The following AVEN variants were observed in gnomAD, a reference collection of about 807,000 sequenced individuals.
The protein encoded by AVEN is cell death regulator Aven.
AVEN carries 41 observed loss-of-function variants against 38.1 expected under a neutral mutation model. The ratio of observed to expected loss-of-function variants is 1.08; its 90% confidence interval spans 0.84 to 1.40. The LOEUF (loss-of-function observed/expected upper bound fraction) is 1.40, where lower values mean the gene tolerates loss of function less well. AVEN is among the 40% of genes most tolerant of loss of function. The pLI is 0.00. For synonymous variants in AVEN, 206 were observed against 171.8 expected, an observed-to-expected ratio of 1.20 and a Z score of -1.56; for missense variants, 605 against 438.8, an observed-to-expected ratio of 1.38 and a Z score of -3.38.
At chr15:33,857,381 T>C (rs2079800294), downstream of AVEN, among the ~76,000 whole-genome samples, 1 of 151,388 alleles carries the variant, frequency 6.6e-6, no homozygotes, top group African/African-American at 2.5e-5. Flanking sequence ...ACTCCTTTTC[T>C]TCTAAGGATG....
intron 2 of AVEN, among the ~76,000 whole-genome samples, chr15:33,934,570 C>T (rs1893988913): frequency 6.6e-6 from 1 of 152,040 alleles, no homozygotes; most frequent in Non-Finnish European, 1.5e-5. Context: ...GTTTCCTCCA[C>T]TGCAAACTCT....
chr15:33,876,062 C>A, intron 2 of AVEN, 67 bp from the exon 3 acceptor site: 1 of 1,456,164 alleles, frequency 6.9e-7, no homozygotes, highest in East Asian at 2.3e-5. Flanking sequence ...TCTAAATTTC[C>A]CTGCTAGAGC....
downstream of AVEN, among the ~76,000 whole-genome samples, chr15:33,863,053 T>C (rs995895159): frequency 6.6e-6 from 1 of 152,252 alleles, no homozygotes; most frequent in African/African-American, 2.4e-5. Flanking sequence ...CCATGGGTTA[T>C]AGACCAGTGG....
intron 1 of AVEN, among the ~76,000 whole-genome samples, chr15:34,022,014 G>A (rs78565473): frequency 0.021 from 3,221 of 152,278 alleles, 49 homozygotes; most frequent in Non-Finnish European, 0.029. Context: ...GAGAATTCAA[G>A]TGCAAATATT....
intron 2 of AVEN, among the ~76,000 whole-genome samples, chr15:33,977,692 C>T (rs544746453): frequency 4.6e-5 from 7 of 152,266 alleles, no homozygotes; most frequent in East Asian, 1.9e-4. Flanking sequence ...AAGAATCAAA[C>T]GTTCTCTATT....
At chr15:33,914,951 A>G (rs1040875656) in intron 2 of AVEN, among the ~76,000 whole-genome samples, 1 of 152,148 alleles carries the variant, frequency 6.6e-6, no homozygotes, top group African/African-American at 2.4e-5. Flanking sequence ...AGGAACCAGG[A>G]TTCCTGAGAG....
At position 34,063,384 on chromosome 15, in the gene AVEN, C is replaced by G; in HGVS notation, n.1175G>C. On this transcript the variant is annotated non_coding_transcript_exon_variant, in exon 5 of 12. Transcript: ENST00000675287. The surrounding 1 kb of genome is among the most constrained non-coding windows in gnomAD (Gnocchi z 4.1). Reference sequence around the variant, plus strand: ...TCGAATCTACCGGGAAACAGAGAAGCGAACCAAGGACCTGGCTGACCTCCA... The same window carrying G: ...TCGAATCTACCGGGAAACAGAGAAGGGAACCAAGGACCTGGCTGACCTCCA... The G allele has an allele frequency of 6.2e-7, 1 of 1,614,032 alleles. No individual in the cohort carries two copies. The highest frequency in any genetic ancestry group is 8.5e-7 in the Non-Finnish European group (1 of 1,180,022).
intron 1 of AVEN, among the ~76,000 whole-genome samples, chr15:34,073,207 ATT>A (rs761265891): frequency 0.021 from 2,386 of 111,824 alleles, 39 homozygotes; most frequent in African/African-American, 0.064. Flanking sequence ...CGCCCGGCTA[ATT>A]TTTTTTTTTT....
intron 2 of AVEN, among the ~76,000 whole-genome samples, chr15:33,990,164 G>C (rs1286790091): frequency 6.7e-6 from 1 of 148,994 alleles, no homozygotes; most frequent in Non-Finnish European, 1.5e-5. Flanking sequence ...AGATTGCATC[G>C]TTGCAATCCA....
At chr15:34,017,487 T>TTTTG (rs1337236963) in intron 1 of AVEN, among the ~76,000 whole-genome samples, 4 of 75,924 alleles carry the variant, frequency 5.3e-5, no homozygotes, top group African/African-American at 1.2e-4. Context: ...TTTTTTTGTT[T>TTTTG]TTTTTTTTTT....
At chr15:34,049,720 G>A (rs150348737) in intron 5 of AVEN, among the ~76,000 whole-genome samples, 2,656 of 151,890 alleles carry the variant, frequency 0.017, 78 homozygotes, top group African/African-American at 0.061. Flanking sequence ...TCAACCCCAA[G>A]ACACACAATC....
chr15:33,876,126 T>C, intron 2 of AVEN, 131 bp from the exon 3 acceptor site: 1 of 722,134 alleles, frequency 1.4e-6, no homozygotes, highest in Non-Finnish European at 2.3e-6. Flanking sequence ...AGGATAAAAC[T>C]GGAACATACC....
intron 2 of AVEN, among the ~76,000 whole-genome samples, chr15:33,928,818 C>G (rs1472668635): frequency 2.0e-5 from 3 of 152,086 alleles, no homozygotes; most frequent in African/African-American, 7.2e-5. Context: ...TAAAATCAGT[C>G]CAGATGTGTC....
intron 2 of AVEN, among the ~76,000 whole-genome samples, chr15:33,938,036 CAT>C (rs910324196): frequency 6.2e-5 from 9 of 146,010 alleles, no homozygotes; most frequent in Admixed American, 4.8e-4. Context: ...ATAATCATAA[CAT>C]AAAATCATAA....
Position 34,030,872 on chromosome 15 carries a change from C to T in AVEN, c.267+7908G>A, listed in dbSNP as rs538339376. Among the ~76,000 whole-genome samples the T allele has an allele frequency of 2.2e-4, 34 of 152,228 alleles. No homozygotes were observed. The South Asian group carries it at 6.8e-3, about 31-fold the overall frequency. ...GCCTTAAGCAGTCCTTCCACCTCACCCTCCCAAAGTGCTGGGATTACAGGT... is the reference window on the plus strand; with the variant it reads ...GCCTTAAGCAGTCCTTCCACCTCACTCTCCCAAAGTGCTGGGATTACAGGT... On this transcript the variant is annotated intron_variant, in intron 1 of 5. Coordinates refer to ENST00000306730, the MANE Select transcript of AVEN (RefSeq NM_020371.3).
In AVEN at chr15:34,055,254, T is replaced by A. The variant is rs180970628; in HGVS notation, n.1637+7668A>T. ...TAGCTCGCACCTGTAATCCCAGCAT[T>A]TGGGAGGCCGAGGTGGGTGGATCTC... On this transcript the variant is annotated intron_variant and non_coding_transcript_variant, in intron 5 of 11. Transcript: ENST00000675287. 1.8e-3 allele frequency among the ~76,000 whole-genome samples: 269 copies of A among 151,220 alleles called. 1 individual carries two copies. The highest frequency in any genetic ancestry group is 0.017 in the Admixed American group (252 of 15,206).
chr15:33,906,926 C>T (rs1377282192), intron 2 of AVEN, among the ~76,000 whole-genome samples: 2 of 151,472 alleles, frequency 1.3e-5, no homozygotes, highest in East Asian at 3.9e-4. Flanking sequence ...AAAATGTATT[C>T]ATCTAGTTTT....
At chr15:33,864,594 A>G (rs1485939052), downstream of AVEN, among the ~76,000 whole-genome samples, 2 of 151,384 alleles carry the variant, frequency 1.3e-5, no homozygotes, top group Non-Finnish European at 3.0e-5. Context: ...GGAGGTGTGC[A>G]TGTGAGAGGA....
chr15:34,039,735 CATTT>C (rs1195344856), upstream of AVEN, among the ~76,000 whole-genome samples: 1 of 152,104 alleles, frequency 6.6e-6, no homozygotes, highest in African/African-American at 2.4e-5. Context: ...CTACAGCTGA[CATTT>C]ATTGAGCACA....
Sources: gnomAD v4.1 joint callset for allele counts (sites outside exome capture counted in the v4.1 genomes callset) on GRCh38, gnomAD v4.1.1 for gene constraint, Gnocchi (gnomAD v3.1) non-coding constraint, MANE v1.5 for transcripts, NCBI Gene and HGNC (gene_info 2026-07-23, HGNC 2026-07-21) for gene names.